The following SEMA3A variants were observed in gnomAD, a reference collection of about 807,000 sequenced individuals.
The protein encoded by SEMA3A is semaphorin 3A, also known as semaphorin-3A.
SEMA3A carries 29 observed loss-of-function variants against 97.9 expected under a neutral mutation model. The observed-to-expected ratio is 0.30, with a 90% CI of 0.22 to 0.40. The LOEUF (loss-of-function observed/expected upper bound fraction) is 0.40, where lower values mean the gene tolerates loss of function less well. Ranked by LOEUF, SEMA3A falls within the 10% of genes least tolerant of loss-of-function variation. The pLI is 1.00. For synonymous variants in SEMA3A, 321 were observed against 323.7 expected (o/e 0.99, Z 0.09); for missense variants, 763 against 951.3 (o/e 0.80, Z 2.60).
chr7:84,192,839 T>C (rs78174296), intron 1 of SEMA3A, among the ~76,000 whole-genome samples: 8,879 of 152,010 alleles, frequency 0.058, 285 homozygotes, highest in Non-Finnish European at 0.071. Context: ...GTATTACAAA[T>C]AGCCAGTCAC....
At chr7:84,402,419 T>A (rs1803929329) in intron 1 of SEMA3A, among the ~76,000 whole-genome samples, 1 of 152,154 alleles carries the variant, frequency 6.6e-6, no homozygotes, top group African/African-American at 2.4e-5. Flanking sequence ...GTACAGCCAT[T>A]ATGGAAAATA....
At chr7:84,034,683 C>T (rs145840715) in intron 6 of SEMA3A, among the ~76,000 whole-genome samples, 1,652 of 152,260 alleles carry the variant, frequency 0.011, 15 homozygotes, top group Non-Finnish European at 0.017. Context: ...GACACCTAGG[C>T]AATTTGGTGG....
intron 6 of SEMA3A, among the ~76,000 whole-genome samples, chr7:84,025,676 A>C (rs1213508724): frequency 6.6e-6 from 1 of 152,218 alleles, no homozygotes; most frequent in Non-Finnish European, 1.5e-5. Flanking sequence ...ATCAGGAGAG[A>C]GAGAAGGGCT....
At chr7:83,993,390 G>C (rs1163337268) in intron 12 of SEMA3A, among the ~76,000 whole-genome samples, 1 of 151,562 alleles carries the variant, frequency 6.6e-6, no homozygotes, top group Admixed American at 6.6e-5. Context: ...CTCGTTAGTT[G>C]ATGCAGTTTC....
intron 3 of SEMA3A, among the ~76,000 whole-genome samples, chr7:84,277,841 T>C (rs1299644478): frequency 6.6e-6 from 1 of 152,036 alleles, no homozygotes; most frequent in Non-Finnish European, 1.5e-5. Flanking sequence ...CTTGGAGGCC[T>C]TTTTTCCATT....
At chr7:84,208,324 C>T (rs989230851) in intron 3 of SEMA3A, among the ~76,000 whole-genome samples, 17 of 151,592 alleles carry the variant, frequency 1.1e-4, no homozygotes, top group African/African-American at 2.7e-4. Flanking sequence ...TGGTGGCGGG[C>T]GCCTGTAATC....
chr7:84,039,634 T>C (rs892090732), intron 6 of SEMA3A, among the ~76,000 whole-genome samples: 2 of 152,106 alleles, frequency 1.3e-5, no homozygotes, highest in African/African-American at 4.8e-5. Flanking sequence ...TGGATTCAAT[T>C]TGCTTGTAAA....
At chr7:84,225,391 A>G (rs1044971729) in intron 3 of SEMA3A, among the ~76,000 whole-genome samples, 5 of 152,096 alleles carry the variant, frequency 3.3e-5, no homozygotes, top group African/African-American at 7.2e-5. Flanking sequence ...AAGAAATTAA[A>G]AATCCCCAAA....
At chr7:84,320,729 A>G (rs1359950761) in intron 2 of SEMA3A, among the ~76,000 whole-genome samples, 1 of 150,878 alleles carries the variant, frequency 6.6e-6, no homozygotes, top group Admixed American at 6.6e-5. Context: ...AATTGCAATT[A>G]TTATACAATG....
At chr7:84,067,592 C>G (rs932656431) in intron 4 of SEMA3A, among the ~76,000 whole-genome samples, 2 of 152,016 alleles carry the variant, frequency 1.3e-5, no homozygotes, top group African/African-American at 4.8e-5. Context: ...AACAAACAAC[C>G]CCATCAAAAA....
intron 3 of SEMA3A, among the ~76,000 whole-genome samples, chr7:84,304,053 C>T (rs958954595): frequency 3.9e-5 from 6 of 152,108 alleles, no homozygotes; most frequent in Non-Finnish European, 8.8e-5. Context: ...CTTTCACTCA[C>T]TCACTGAAGT....
chr7:83,995,417 T>C (rs2116366708), intron 12 of SEMA3A, among the ~76,000 whole-genome samples: 1 of 152,344 alleles, frequency 6.6e-6, no homozygotes, highest in South Asian at 2.1e-4. Context: ...CACTGTGTCA[T>C]ATTAAGATTT....
chr7:84,213,269 G>A (rs1008066620), intron 3 of SEMA3A, among the ~76,000 whole-genome samples: 2 of 152,062 alleles, frequency 1.3e-5, no homozygotes, highest in Non-Finnish European at 2.9e-5. Context: ...GAGCCATGGT[G>A]CCCGGCCTGT....
Position 84,232,454 on chromosome 7 carries a change from G to GTC in SEMA3A, c.-82-37788_-82-37787dup, listed in dbSNP as rs1449049589. 3.4e-3 allele frequency among the ~76,000 whole-genome samples: 507 copies of GTC among 149,032 alleles called. 1 individual carries two copies. Among genetic ancestry groups the GTC allele is most frequent in the African/African-American group, 0.012 (482 of 40,620 alleles). ...TCTCTCTCTCTCTCCCTCTCTCTCTGTCACACACACACACACATCAGTAAA... is the reference window on the plus strand; with the variant it reads ...TCTCTCTCTCTCTCCCTCTCTCTCTGTCTCACACACACACACACATCAGTAAA... On this transcript the variant is annotated intron_variant, in intron 3 of 3. Transcript: ENST00000424555.
At chr7:84,289,714 T>A (rs1800694797) in intron 3 of SEMA3A, among the ~76,000 whole-genome samples, 1 of 152,102 alleles carries the variant, frequency 6.6e-6, no homozygotes, top group South Asian at 2.1e-4. Flanking sequence ...ACAGTGAGGC[T>A]ATTCCTCAAA....
intron 3 of SEMA3A, among the ~76,000 whole-genome samples, chr7:84,228,488 T>A (rs1799043502): frequency 6.6e-6 from 1 of 152,250 alleles, no homozygotes; most frequent in African/African-American, 2.4e-5. Context: ...GTTTATCTTC[T>A]GTGTCCACAA....
intron 1 of SEMA3A, among the ~76,000 whole-genome samples, chr7:84,429,015 G>A (rs1804898878): frequency 6.6e-6 from 1 of 152,064 alleles, no homozygotes. Context: ...GTTCAAGGGT[G>A]AAGTGGAAAA....
At chr7:84,208,674 C>A (rs1798556613) in intron 3 of SEMA3A, among the ~76,000 whole-genome samples, 2 of 152,072 alleles carry the variant, frequency 1.3e-5, no homozygotes, top group South Asian at 2.1e-4. Context: ...TAAAGTAATT[C>A]TCTTCTCTAC....
At chr7:84,249,396 T>TATCTATC (rs1554351581) in intron 3 of SEMA3A, among the ~76,000 whole-genome samples, 2 of 151,898 alleles carry the variant, frequency 1.3e-5, no homozygotes, top group Non-Finnish European at 2.9e-5. Flanking sequence ...TCTATCTATC[T>TATCTATC]ATCTATCTAT....
Sources: gnomAD v4.1 joint callset for allele counts (sites outside exome capture counted in the v4.1 genomes callset) on GRCh38, gnomAD v4.1.1 for gene constraint, MANE v1.5 for transcripts, NCBI Gene and HGNC (gene_info 2026-07-23, HGNC 2026-07-21) for gene names.